Variants in PTCD2 observed in about 807,000 individuals in gnomAD.
The protein encoded by PTCD2 is pentatricopeptide repeat-containing protein 2, mitochondrial.
Under a neutral mutation model 42.6 loss-of-function variants are expected in PTCD2, and 31 were observed. That is an observed-to-expected ratio of 0.73 (90% CI 0.55 to 0.98). PTCD2 has a LOEUF of 0.98. PTCD2 is among the 50% of genes least tolerant of loss of function. PTCD2 has a pLI of 0.00. For synonymous variants in PTCD2, 183 were observed against 170.9 expected (o/e 1.07, Z -0.55); for missense variants, 476 against 454.8 (o/e 1.05, Z -0.42).
intron 3 of PTCD2, among the ~76,000 whole-genome samples, chr5:72,328,811 T>G (rs1751277067): frequency 6.6e-6 from 1 of 152,226 alleles, no homozygotes; most frequent in African/African-American, 2.4e-5. Context: ...GCCCATATTG[T>G]TGGACATTGA....
intron 5 of PTCD2, 179 bp from the exon 6 acceptor site, chr5:72,335,615 T>C: frequency 2.0e-6 from 1 of 489,988 alleles, no homozygotes; most frequent in Non-Finnish European, 3.6e-6. Flanking sequence ...AAAACATTAG[T>C]TCTTCCTGTT....
At chr5:72,323,189 C>A (rs1282084069) in intron 2 of PTCD2, among the ~76,000 whole-genome samples, 1 of 151,988 alleles carries the variant, frequency 6.6e-6, no homozygotes, top group East Asian at 1.9e-4. Context: ...GAAAAAAAAT[C>A]CAGTGTGTTT....
In PTCD2 at chr5:72,342,970, G is replaced by A; in HGVS notation, c.762G>A (p.Met254Ile). Reference sequence around the variant, plus strand: ...GTTTCTCTTCCTTCTAGAATGAGATGGCAAAAGCTGTGTCCATTTTTTCTC... The same window carrying A: ...GTTTCTCTTCCTTCTAGAATGAGATAGCAAAAGCTGTGTCCATTTTTTCTC... The part of the protein sequence containing the change: ...AVALALNQNE[M>I]AKAVSIFSQI... The change falls in exon 8 of 10, where the codon ATG (methionine) becomes ATA (isoleucine). Residue 254 changes from methionine to isoleucine, a missense_variant. Met to Ile is a conservative substitution (Grantham distance 10). Transcript: ENST00000380639. 1 of 1,591,506 alleles carries A rather than the reference G, an allele frequency of 6.3e-7. No homozygotes were observed. Among genetic ancestry groups the A allele is most frequent in the Non-Finnish European group, 8.6e-7 (1 of 1,166,964 alleles).
At chr5:72,340,767 T>A (rs2112182003) in intron 7 of PTCD2, among the ~76,000 whole-genome samples, 1 of 152,178 alleles carries the variant, frequency 6.6e-6, no homozygotes, top group East Asian at 1.9e-4. Context: ...CTTGAGGTAC[T>A]TTTAGGCATT....
At chr5:72,321,504 T>C (rs1402524261) in intron 1 of PTCD2, 2 of 152,240 alleles carry the variant, frequency 1.3e-5, no homozygotes, top group African/African-American at 4.8e-5. Context: ...ACTTTTATTG[T>C]TACCTTGTTA....
chr5:72,331,415 T>G, intron 4 of PTCD2, 40 bp downstream of exon 4: 3 of 1,373,384 alleles, frequency 2.2e-6, no homozygotes, highest in African/African-American at 1.4e-5. Flanking sequence ...AATGTGTGTG[T>G]TTTTGGTGAT....
At chr5:72,323,404 C>A (rs1265875799) in intron 2 of PTCD2, among the ~76,000 whole-genome samples, 2 of 152,162 alleles carry the variant, frequency 1.3e-5, no homozygotes, top group African/African-American at 4.8e-5. Context: ...TGCATTCATT[C>A]TCTCCCTCCT....
Position 72,352,654 on chromosome 5 carries a change from TC to T in PTCD2, c.844del (p.Gln282SerfsTer8). 6.5e-7 allele frequency: 1 copy of T among 1,534,178 alleles called. No homozygotes were observed. The highest frequency in any genetic ancestry group is 9.0e-7 in the Non-Finnish European group (1 of 1,108,982). On this transcript the variant is annotated frameshift_variant, in exon 9 of 10. Coordinates refer to ENST00000380639, the MANE Select transcript of PTCD2 (RefSeq NM_024754.5). LOFTEE classifies it high-confidence loss of function. ...CTTAATATTCAGATTATAATCCATA[TC>T]CAGTCAAATATGTTGGAAAACCTGA... ...ACINLNIIIH[I>X]QSNMLENLIK... is the part of the protein sequence containing the mutation.
rs931197166 is a variant in PTCD2, at chr5:72,326,137, A to G, written c.221-475A>G. Among the ~76,000 whole-genome samples the G allele has an allele frequency of 4.6e-5, 7 of 152,328 alleles. No homozygotes were observed. The East Asian group carries it at 1.4e-3, about 29-fold the overall frequency. On this transcript the variant is annotated intron_variant, in intron 2 of 9. Transcript: ENST00000380639. ...GAAACGTGAGTCATGTGGGTCCACC[A>G]TTGTGGACAAACCTACCTTCAACTC...
chr5:72,344,238 G>A (rs551929980), intron 8 of PTCD2, among the ~76,000 whole-genome samples: 34 of 152,266 alleles, frequency 2.2e-4, no homozygotes, highest in Admixed American at 1.0e-3. Context: ...CTGTGGCTGG[G>A]CACGGTGGCT....
chr5:72,336,819 A>G (rs1000780962), intron 6 of PTCD2, among the ~76,000 whole-genome samples: 3 of 152,164 alleles, frequency 2.0e-5, no homozygotes, highest in African/African-American at 7.2e-5. Flanking sequence ...AAATAGTGAA[A>G]TGATCAATGT....
At chr5:72,337,462 G>A (rs1349459503) in intron 6 of PTCD2, among the ~76,000 whole-genome samples, 1 of 151,926 alleles carries the variant, frequency 6.6e-6, no homozygotes, top group Non-Finnish European at 1.5e-5. Flanking sequence ...TCTACTTAGG[G>A]ATGCCTCCCT....
At chr5:72,338,815 T>C in intron 7 of PTCD2, 80 bp downstream of exon 7, 1 of 790,704 alleles carries the variant, frequency 1.3e-6, no homozygotes, top group Non-Finnish European at 2.1e-6. Context: ...TTTTCCTTTT[T>C]TCCTTCTGAC....
In PTCD2 at chr5:72,336,251, A is replaced by C. The variant is rs555083438; in HGVS notation, c.639+366A>C. ...GCTTCCTTCATTGGTGAGCTCAAGG[A>C]CTACTTTGTCCTCATATGTGAAGGC... is the stretch of plus-strand genomic sequence containing the variant. On this transcript the variant is annotated intron_variant, in intron 6 of 9. Transcript: ENST00000380639. 2.0e-5 allele frequency among the ~76,000 whole-genome samples: 3 copies of C among 152,290 alleles called. No homozygotes were observed. In the South Asian group the frequency reaches 6.2e-4, roughly 32 times the overall value.
chr5:72,368,235 C>G lies in PTCD2; in HGVS notation c.*9808C>G, dbSNP rs1415128129. The G allele has an allele frequency of 6.6e-6, 1 of 152,164 alleles. No individual in the cohort carries two copies. Among genetic ancestry groups the G allele is most frequent in the Non-Finnish European group, 1.5e-5 (1 of 68,034 alleles). 9.4% of individuals were successfully genotyped at this position (152,164 alleles called of 1,614,324 possible). A position where few individuals can be genotyped will look rare whatever the true frequency, so the allele number is the denominator to read the frequency against. The stretch of plus-strand genomic sequence containing the variant: ...AAGACAACCAGCACATTGCTAAGCC[C>G]AAGTAGCAAATTTCCTGACCCCATT... On this transcript the variant is annotated 3_prime_UTR_variant, in exon 10 of 10. Transcript: ENST00000380639.
rs1753092904 is a variant in PTCD2, at chr5:72,361,466, C to T, written c.*3039C>T. 1 of 152,152 alleles carries T rather than the reference C, an allele frequency of 6.6e-6. No individual in the cohort carries two copies. The highest frequency in any genetic ancestry group is 2.1e-4 in the South Asian group (1 of 4,826). 9.4% of individuals were successfully genotyped at this position (152,152 alleles called of 1,614,324 possible). A position where few individuals can be genotyped will look rare whatever the true frequency, so the allele number is the denominator to read the frequency against. On this transcript the variant is annotated 3_prime_UTR_variant, in exon 10 of 10. Coordinates refer to ENST00000380639, the MANE Select transcript of PTCD2 (RefSeq NM_024754.5). ...TTCCCCACAGCATGGTGGCTAGGTA[C>T]TAGGAGTGACTGTCCCAAGAGGACC...
intron 8 of PTCD2, among the ~76,000 whole-genome samples, chr5:72,348,885 T>G (rs1752488368): frequency 6.6e-6 from 1 of 152,244 alleles, no homozygotes; most frequent in Non-Finnish European, 1.5e-5. Context: ...CCTACCCACT[T>G]AGGTCACCCT....
At chr5:72,352,262 C>G (rs1359014246) in intron 8 of PTCD2, among the ~76,000 whole-genome samples, 2 of 152,174 alleles carry the variant, frequency 1.3e-5, no homozygotes, top group African/African-American at 4.8e-5. Context: ...ATTCTCCTGC[C>G]TCAGCCTCCC....
At chr5:72,326,464 G>T in intron 2 of PTCD2, 148 bp from the exon 3 acceptor site, 1 of 745,652 alleles carries the variant, frequency 1.3e-6, no homozygotes, top group East Asian at 2.5e-5. Flanking sequence ...AGAGGAGATT[G>T]GCCAGTGATG....
Sources: gnomAD v4.1 joint callset for allele counts (sites outside exome capture counted in the v4.1 genomes callset) on GRCh38, gnomAD v4.1.1 for gene constraint, MANE v1.5 for transcripts, NCBI Gene and HGNC (gene_info 2026-07-23, HGNC 2026-07-21) for gene names.